The following RAB5A variants were observed in gnomAD, a reference collection of about 807,000 sequenced individuals.
RAB5A encodes RAB5A, member RAS oncogene family.
In RAB5A, 8 loss-of-function variants were observed where a neutral mutation model predicts 25.7. The observed-to-expected ratio is 0.31, with a 90% CI of 0.18 to 0.56. RAB5A has a LOEUF of 0.56. Among genes scored for constraint, RAB5A ranks in the 20% least tolerant of loss-of-function variants. RAB5A has a pLI of 0.91. For missense variants in RAB5A, 192 were observed against 259.7 expected (o/e 0.74, Z 1.79); for synonymous variants, 98 against 89.8 (o/e 1.09, Z -0.52).
At chr3:19,953,080 ACT>A (rs1271084754) in intron 2 of RAB5A, among the ~76,000 whole-genome samples, 1 of 150,714 alleles carries the variant, frequency 6.6e-6, no homozygotes, top group Non-Finnish European at 1.5e-5. Context: ...AACAATAAAA[ACT>A]CTGAAGTACT....
At chr3:19,952,747 G>T (rs1341029563) in intron 2 of RAB5A, among the ~76,000 whole-genome samples, 1 of 148,012 alleles carries the variant, frequency 6.8e-6, no homozygotes, top group Non-Finnish European at 1.5e-5. Flanking sequence ...AGACATCTTT[G>T]TGATTTTTTT....
chr3:19,966,350 G>A (rs990945680), intron 2 of RAB5A, among the ~76,000 whole-genome samples: 3 of 152,118 alleles, frequency 2.0e-5, no homozygotes, highest in African/African-American at 7.2e-5. Context: ...CATCCATGTT[G>A]TAAAGCAAGT....
chr3:19,966,476 T>C (rs192914195), intron 2 of RAB5A, among the ~76,000 whole-genome samples: 2 of 152,362 alleles, frequency 1.3e-5, no homozygotes, highest in East Asian at 1.9e-4. Flanking sequence ...TTAGCTGTTA[T>C]GAATAATGTT....
chr3:19,963,405 A>G (rs1430224594), intron 2 of RAB5A, among the ~76,000 whole-genome samples: 1 of 115,652 alleles, frequency 8.6e-6, no homozygotes, highest in East Asian at 3.1e-4. Flanking sequence ...ATCAATTTCT[A>G]GAGGTGATTA....
At chr3:19,978,513 A>T in intron 5 of RAB5A, 110 bp downstream of exon 5, 1 of 675,828 alleles carries the variant, frequency 1.5e-6, no homozygotes, top group South Asian at 1.7e-5. Context: ...GTTTGTGTGT[A>T]TGTTTATGTG....
chr3:19,980,037 C>G (rs181904290), intron 5 of RAB5A: 1 of 152,294 alleles, frequency 6.6e-6, no homozygotes, highest in African/African-American at 2.4e-5. Flanking sequence ...TGGGAAAGAA[C>G]TTGCCTTTTC....
chr3:19,983,345 CAAAAAA>C (rs34872300), intron 5 of RAB5A, among the ~76,000 whole-genome samples: 1 of 92,120 alleles, frequency 1.1e-5, no homozygotes, highest in African/African-American at 4.1e-5. Context: ...GACTACATCT[CAAAAAA>C]AAAAAAAAAA....
rs1002397536 is a variant in RAB5A, at chr3:19,959,356, A to G, written c.163+8295A>G. Among the ~76,000 whole-genome samples the G allele has an allele frequency of 3.3e-5, 5 of 152,138 alleles. 1 individual carries two copies. The highest frequency in any genetic ancestry group is 2.1e-4 in the South Asian group (1 of 4,830). On this transcript the variant is annotated intron_variant, in intron 2 of 5. Transcript: ENST00000273047. ...AGTGAACATTGTAATCTGGTGCTAT[A>G]TATTAAAGGTTTTTAAAAGTGATAT...
chr3:19,962,758 T>C (rs907454166), intron 2 of RAB5A, among the ~76,000 whole-genome samples: 9 of 152,192 alleles, frequency 5.9e-5, no homozygotes, highest in Admixed American at 5.9e-4. Flanking sequence ...ATTTCTCACA[T>C]ATTCTGAGTA....
chr3:19,973,044 G>C (rs1184607372), intron 2 of RAB5A, among the ~76,000 whole-genome samples: 1 of 152,200 alleles, frequency 6.6e-6, no homozygotes, highest in East Asian at 1.9e-4. Flanking sequence ...TGGATGACGT[G>C]AGGTGCAGGC....
chr3:19,958,263 C>A (rs13079277), intron 2 of RAB5A, among the ~76,000 whole-genome samples: 31,059 of 152,098 alleles, frequency 0.2, 3,853 homozygotes, highest in African/African-American at 0.34. Context: ...TATCTTTGTT[C>A]ATCATATTTT....
intron 4 of RAB5A, among the ~76,000 whole-genome samples, chr3:19,977,024 A>G (rs1020945355): frequency 6.6e-6 from 1 of 152,226 alleles, no homozygotes; most frequent in African/African-American, 2.4e-5. Context: ...TGCTGCTGCA[A>G]AATAGGCAAG....
chr3:19,983,623 G>T (rs1021282687), intron 5 of RAB5A, 85 bp from the exon 6 acceptor site: 4 of 952,712 alleles, frequency 4.2e-6, no homozygotes, highest in Non-Finnish European at 6.6e-6. Context: ...TAACCTAACT[G>T]GAAAGAAAAA....
chr3:19,969,053 T>TG (rs1397477600), intron 2 of RAB5A, among the ~76,000 whole-genome samples: 28 of 141,120 alleles, frequency 2.0e-4, no homozygotes, highest in Non-Finnish European at 3.8e-4. Flanking sequence ...TGGTTTTTTT[T>TG]TTTTTTTTGA....
Position 19,985,027 on chromosome 3 carries a change from C to T in RAB5A, c.*1204C>T. On this transcript the variant is annotated 3_prime_UTR_variant, in exon 6 of 6. Transcript: ENST00000273047. ...GGTATTTTCATTATATGAAAGCTAC[C>T]ATGTGTCAGAGATGATTTAATCTAT... is the stretch of plus-strand genomic sequence containing the variant. 1.0e-5 allele frequency: 2 copies of T among 199,022 alleles called. No homozygotes were observed. The highest frequency in any genetic ancestry group is 2.0e-5 in the Non-Finnish European group (2 of 98,818). The allele number at this position is 199,022 out of a possible 1,614,324, so 12.3% of individuals were successfully genotyped here.
At chr3:19,980,839 A>G (rs1417555005) in intron 5 of RAB5A, among the ~76,000 whole-genome samples, 1 of 152,170 alleles carries the variant, frequency 6.6e-6, no homozygotes, top group Non-Finnish European at 1.5e-5. Context: ...TTTCTTTCCA[A>G]ACTTCAGTGC....
chr3:19,979,604 TGGTAA>T (rs1696884533), intron 5 of RAB5A, among the ~76,000 whole-genome samples: 1 of 152,146 alleles, frequency 6.6e-6, no homozygotes, highest in Non-Finnish European at 1.5e-5. Flanking sequence ...TTTTAACTGA[TGGTAA>T]TTGCTGTTTC....
chr3:19,980,227 C>T (rs1696897702), intron 5 of RAB5A: 1 of 152,210 alleles, frequency 6.6e-6, no homozygotes, highest in Non-Finnish European at 1.5e-5. Context: ...TCAGCCTGCA[C>T]TGTAAACCTT....
chr3:19,959,113 C>G (rs1349016215), intron 2 of RAB5A, among the ~76,000 whole-genome samples: 1 of 152,116 alleles, frequency 6.6e-6, no homozygotes, highest in Non-Finnish European at 1.5e-5. Context: ...TTGATGTCCT[C>G]TGGTGCTTTG....
Sources: gnomAD v4.1 joint callset for allele counts (sites outside exome capture counted in the v4.1 genomes callset) on GRCh38, gnomAD v4.1.1 for gene constraint, MANE v1.5 for transcripts, NCBI Gene and HGNC (gene_info 2026-07-23, HGNC 2026-07-21) for gene names.